Variants in DNM3 observed in about 807,000 individuals in gnomAD.
DNM3 encodes dynamin 3, also known as dynamin-3.
DNM3 carries 47 observed loss-of-function variants against 101.6 expected under a neutral mutation model. That is an observed-to-expected ratio of 0.46 (90% CI 0.37 to 0.59). The LOEUF (loss-of-function observed/expected upper bound fraction) is 0.59, where lower values mean the gene tolerates loss of function less well. Ranked by LOEUF, DNM3 falls within the 20% of genes least tolerant of loss-of-function variation. The probability of loss-of-function intolerance (pLI) is 0.00; values close to 1 mark genes in which losing one functional copy is unlikely to be tolerated. For synonymous variants in DNM3, 385 were observed against 387.9 expected, an observed-to-expected ratio of 0.99 and a Z score of 0.09; for missense variants, 849 against 1,085.7, an observed-to-expected ratio of 0.78 and a Z score of 3.06.
intron 4 of DNM3, among the ~76,000 whole-genome samples, chr1:172,018,021 A>T (rs2047564566): frequency 1.3e-5 from 2 of 151,978 alleles, no homozygotes; most frequent in African/African-American, 4.8e-5. Flanking sequence ...AGCCAATCCC[A>T]GTTTCTTTTG....
chr1:172,396,897 A>C (rs774298526), intron 20 of DNM3, among the ~76,000 whole-genome samples: 14 of 152,224 alleles, frequency 9.2e-5, no homozygotes, highest in Non-Finnish European at 1.6e-4. Flanking sequence ...GGCATTTCGC[A>C]GTCCAGAGAG....
At chr1:172,056,199 C>T (rs1343012765) in intron 10 of DNM3, among the ~76,000 whole-genome samples, 7 of 152,178 alleles carry the variant, frequency 4.6e-5, no homozygotes, top group Admixed American at 6.5e-5. Flanking sequence ...CCTACGCCCA[C>T]GGAATCTCGC....
chr1:171,923,231 C>T (rs147639619), intron 2 of DNM3, among the ~76,000 whole-genome samples: 1 of 152,292 alleles, frequency 6.6e-6, no homozygotes, highest in African/African-American at 2.4e-5. Flanking sequence ...TGATATCTCA[C>T]TGTGGTTTTG....
chr1:172,092,990 C>A (rs1166539436), intron 13 of DNM3, 115 bp downstream of exon 13: 2 of 938,954 alleles, frequency 2.1e-6, no homozygotes, highest in African/African-American at 3.4e-5. Flanking sequence ...GCTTGAAATG[C>A]AGCTTTCATT....
intron 12 of DNM3, among the ~76,000 whole-genome samples, chr1:172,092,164 G>T (rs1321689985): frequency 6.6e-6 from 1 of 152,062 alleles, no homozygotes; most frequent in Non-Finnish European, 1.5e-5. Context: ...AAGTGATGAG[G>T]TTAAGTTGTT....
intron 10 of DNM3, among the ~76,000 whole-genome samples, chr1:172,066,673 A>G (rs986225734): frequency 6.6e-6 from 1 of 152,248 alleles, no homozygotes; most frequent in African/African-American, 2.4e-5. Context: ...GCTTGTGCAT[A>G]ACCACATTAT....
At chr1:171,958,195 TA>T (rs1227106760) in intron 2 of DNM3, among the ~76,000 whole-genome samples, 1 of 152,164 alleles carries the variant, frequency 6.6e-6, no homozygotes, top group East Asian at 1.9e-4. Context: ...TCATGAGACT[TA>T]TTCACTATCA....
At chr1:172,168,581 A>G (rs1273594278) in intron 14 of DNM3, among the ~76,000 whole-genome samples, 2 of 151,950 alleles carry the variant, frequency 1.3e-5, no homozygotes, top group Admixed American at 6.6e-5. Context: ...TGTCTCCACT[A>G]AGCAATTGAA....
At chr1:172,367,484 A>C (rs538529104) in intron 17 of DNM3, among the ~76,000 whole-genome samples, 2 of 152,054 alleles carry the variant, frequency 1.3e-5, no homozygotes, top group Non-Finnish European at 2.9e-5. Flanking sequence ...TCATGTCAGA[A>C]CACCACCAAA....
At chr1:172,331,043 A>AT (rs1288543740) in intron 17 of DNM3, among the ~76,000 whole-genome samples, 1 of 152,186 alleles carries the variant, frequency 6.6e-6, no homozygotes, top group African/African-American at 2.4e-5. Flanking sequence ...TTGAAGGACT[A>AT]TATTAGGAGT....
intron 2 of DNM3, among the ~76,000 whole-genome samples, chr1:171,935,845 C>T (rs2041375029): frequency 7.7e-6 from 1 of 129,464 alleles, no homozygotes; most frequent in Admixed American, 9.9e-5. Flanking sequence ...CCACTAATTC[C>T]TCCTTTCTCA....
In DNM3 at chr1:172,151,465, C is replaced by T. The variant is rs759595518; in HGVS notation, c.1659+20177C>T. On this transcript the variant is annotated intron_variant, in intron 14 of 20. Transcript: ENST00000627582. ...TTCATTTTTGTTTGGGGAACACTCA[C>T]TTTACTCCCAATCTTCTGTCTTATA... Among the ~76,000 whole-genome samples the T allele has an allele frequency of 2.0e-4, 31 of 152,302 alleles. 1 individual carries two copies. The highest frequency in any genetic ancestry group is 1.1e-3 in the Admixed American group (17 of 15,288).
Position 172,033,209 on chromosome 1 carries a change from T to A in DNM3, c.793T>A (p.Tyr265Asn). 6.2e-7 allele frequency: 1 copy of A among 1,608,574 alleles called. No homozygotes were observed. The highest frequency in any genetic ancestry group is 8.5e-7 in the Non-Finnish European group (1 of 1,177,448). Residue 265 changes from tyrosine (Y) to asparagine (N), a missense_variant, in exon 6 of 21, where the codon TAC becomes AAC. Tyr to Asn is a moderately radical substitution (Grantham distance 143). This residue lies in a region of DNM3 where 388 missense variants were observed against 483.0 expected (regional missense o/e 0.80). Coordinates refer to ENST00000627582, the MANE Select transcript of DNM3 (RefSeq NM_015569.5). ...ERKFFLSHPA[Y>N]RHIADRMGTP... ...GAAGTTTTTCCTTTCCCACCCGGCT[T>A]ACAGACATATCGCTGACCGAATGGG...
intron 17 of DNM3, among the ~76,000 whole-genome samples, chr1:172,373,776 A>T (rs1271767227): frequency 6.6e-6 from 1 of 152,072 alleles, no homozygotes; most frequent in Non-Finnish European, 1.5e-5. Flanking sequence ...AGAGAGAAGT[A>T]ACAAAAGAAA....
intron 15 of DNM3, among the ~76,000 whole-genome samples, chr1:172,307,549 A>G (rs974512823): frequency 1.3e-5 from 2 of 152,238 alleles, no homozygotes; most frequent in East Asian, 3.8e-4. Flanking sequence ...ATCATAAATC[A>G]TGCTACTATA....
chr1:172,203,590 A>G lies in DNM3; in HGVS notation c.1660-49983A>G, dbSNP rs531197862. 2.0e-5 allele frequency among the ~76,000 whole-genome samples: 3 copies of G among 152,262 alleles called. No individual in the cohort carries two copies. In the East Asian group the frequency reaches 5.8e-4, roughly 29 times the overall value. The stretch of plus-strand genomic sequence containing the variant: ...TTTCCTTGTGAAGTAGACTCATGTT[A>G]TTTCTCAGAATTTATCACATTATTT... On this transcript the variant is annotated intron_variant, in intron 14 of 20. Transcript: ENST00000627582.
intron 17 of DNM3, among the ~76,000 whole-genome samples, chr1:172,332,310 T>A (rs1254190868): frequency 1.3e-5 from 2 of 152,148 alleles, no homozygotes; most frequent in Non-Finnish European, 2.9e-5. Context: ...GGGGCTCCTC[T>A]TTTTTTACTT....
intron 17 of DNM3, among the ~76,000 whole-genome samples, chr1:172,358,762 A>G (rs1397663441): frequency 2.0e-5 from 3 of 152,086 alleles, no homozygotes; most frequent in Non-Finnish European, 4.4e-5. Flanking sequence ...AATAAGTTGT[A>G]GAAGTATAAA....
At chr1:172,161,762 C>T (rs940704798) in intron 14 of DNM3, among the ~76,000 whole-genome samples, 44 of 152,088 alleles carry the variant, frequency 2.9e-4, no homozygotes, top group Middle Eastern at 3.4e-3. Flanking sequence ...GATGTTCAGC[C>T]ACAGTTCATC....
Sources: allele counts gnomAD v4.1 joint callset (sites outside exome capture counted in the v4.1 genomes callset), GRCh38; gene constraint gnomAD v4.1.1; regional missense constraint gnomAD v4.1.1; transcripts MANE v1.5; gene names NCBI Gene and HGNC (gene_info 2026-07-23, HGNC 2026-07-21).